Variants in AMPD2 observed in about 807,000 individuals in gnomAD.
The protein encoded by AMPD2 is AMP deaminase 2.
Under a neutral mutation model 91.3 loss-of-function variants are expected in AMPD2, and 52 were observed. That is an observed-to-expected ratio of 0.57 (90% confidence interval 0.46 to 0.72). AMPD2 has a LOEUF of 0.72. Among genes scored for constraint, AMPD2 ranks in the 30% least tolerant of loss-of-function variants. AMPD2 has a pLI of 0.00. For missense variants in AMPD2, 822 were observed against 1,122.3 expected (o/e 0.73, Z 3.82); for synonymous variants, 455 against 456.4 (o/e 1.00, Z 0.04).
rs770051774 is a variant in AMPD2, at chr1:109,625,354, C to T, written c.143C>T (p.Pro48Leu). The T allele has an allele frequency of 8.1e-6, 13 of 1,613,514 alleles. No homozygotes were observed. Among genetic ancestry groups the T allele is most frequent in the Middle Eastern group, 1.6e-4 (1 of 6,080 alleles). Residue 48 changes from proline (P) to leucine (L), a missense_variant, in exon 3 of 19, where the codon CCG (proline) becomes CTG (leucine). Pro to Leu is a moderately conservative substitution (Grantham distance 98). Transcript: ENST00000528667. This position sits in a 1 kb window ranked among gnomAD's most constrained non-coding sequence, Gnocchi z 4.0. ...CCGCTGCAGTCTGCCCGATCCCTGCCGGGCCCCGCCCCCTGCCTCAAGCAC... is the reference window on the plus strand; with the variant it reads ...CCGCTGCAGTCTGCCCGATCCCTGCTGGGCCCCGCCCCCTGCCTCAAGCAC... ...APPLQSARSLPGPAPCLKHFP... is the reference protein window; with the variant it reads ...APPLQSARSLLGPAPCLKHFP...
At position 109,620,110 on chromosome 1, in the gene AMPD2, T is replaced by G. The variant is rs1650119347; in HGVS notation, c.-431T>G. The G allele has an allele frequency of 9.3e-7, 1 of 1,071,940 alleles. No individual in the cohort carries two copies. The highest frequency in any genetic ancestry group is 1.4e-6 in the Non-Finnish European group (1 of 718,354). 66.4% of individuals were successfully genotyped at this position (1,071,940 alleles called of 1,614,324 possible). A position where few individuals can be genotyped will look rare whatever the true frequency, so the allele number is the denominator to read the frequency against. On this transcript the variant is annotated 5_prime_UTR_variant, in exon 1 of 19. Transcript: ENST00000528667. The stretch of plus-strand genomic sequence containing the variant: ...TCCACCTCCGGCCAGCTGGCAATTT[T>G]GAAAGACTGCCTTACTTTCCCCATC...
intron 15 of AMPD2, 73 bp from the exon 16 acceptor site, chr1:109,629,723 G>GC (rs1651034677): frequency 1.5e-6 from 2 of 1,309,538 alleles, no homozygotes; most frequent in East Asian, 2.7e-5. Context: ...TGCGTGCTGG[G>GC]TGGGGGTCAG....
Position 109,630,467 on chromosome 1 carries a change from T to TGGGTGGG in AMPD2, c.2157+65_2157+71dup, listed in dbSNP as rs1557938528. 3.0e-5 allele frequency: 4 copies of TGGGTGGG among 131,936 alleles called. No homozygotes were observed. In the Admixed American group the frequency reaches 3.6e-4, roughly 12 times the overall value. 8.2% of individuals were successfully genotyped at this position (131,936 alleles called of 1,614,324 possible). On this transcript the variant is annotated intron_variant, in intron 17 of 18. Coordinates refer to ENST00000528667, the MANE Select transcript of AMPD2 (RefSeq NM_001368809.2). ...CCCAGGACGCTGGGGTCTCCCGGGT[T>TGGGTGGG]GGGTGGGGGGCGGTGGGGGGGGCGG...
At chr1:109,626,536 C>T (rs1419610211) in intron 6 of AMPD2, 109 bp downstream of exon 6, 2 of 1,325,714 alleles carry the variant, frequency 1.5e-6, no homozygotes, top group African/African-American at 1.5e-5. Context: ...CTCTTTCCAG[C>T]AGCTGGAGGG....
In AMPD2 at chr1:109,628,898, CT is replaced by C; in HGVS notation, c.1571+94del. The C allele has an allele frequency of 6.8e-7, 1 of 1,480,950 alleles. No homozygotes were observed. The highest frequency in any genetic ancestry group is 2.1e-5 in the Admixed American group (1 of 46,690). 91.7% of individuals were successfully genotyped at this position (1,480,950 alleles called of 1,614,324 possible). On this transcript the variant is annotated intron_variant, in intron 13 of 18. Coordinates refer to ENST00000528667, the MANE Select transcript of AMPD2 (RefSeq NM_001368809.2). This position sits in a 1 kb window ranked among gnomAD's most constrained non-coding sequence, Gnocchi z 7.1. ...GCCCTCCTAGGATGGCTGAGCCTCC[CT>C]TGTCCCTGCCAACCCCTCTGAGTGC...
intron 2 of AMPD2, 121 bp downstream of exon 2, chr1:109,621,387 C>A: frequency 8.8e-7 from 1 of 1,133,614 alleles, no homozygotes; most frequent in Non-Finnish European, 1.3e-6. Flanking sequence ...TGGTGGTGCC[C>A]CTCAACCTCA....
At position 109,630,472 on chromosome 1, in the gene AMPD2, G is replaced by C. The variant is rs181839364; in HGVS notation, c.2157+66G>C. On this transcript the variant is annotated intron_variant, in intron 17 of 18. Transcript: ENST00000528667. ...GACGCTGGGGTCTCCCGGGTTGGGT[G>C]GGGGGCGGTGGGGGGGGCGGTCTCT... 2.9e-3 allele frequency: 3,827 copies of C among 1,302,908 alleles called. 100 individuals carry two copies. In the African/African-American group the frequency reaches 0.047, roughly 16 times the overall value. The allele number at this position is 1,302,908 out of a possible 1,614,324, so 80.7% of individuals were successfully genotyped here.
At position 109,625,586 on chromosome 1, in the gene AMPD2, C is replaced by A; in HGVS notation, c.223-76C>A. ...GGTACCCCTGGTCCTGCTGCCCTCA[C>A]CCCATCCCCAGACTCTGTAGGAGAG... is the stretch of plus-strand genomic sequence containing the variant. On this transcript the variant is annotated intron_variant, in intron 3 of 18. Transcript: ENST00000528667. The surrounding 1 kb of genome is among the most constrained non-coding windows in gnomAD (Gnocchi z 4.0). The A allele has an allele frequency of 1.2e-6, 2 of 1,600,548 alleles. No individual in the cohort carries two copies. The highest frequency in any genetic ancestry group is 1.7e-6 in the Non-Finnish European group (2 of 1,170,094).
intron 2 of AMPD2, 163 bp downstream of exon 2, chr1:109,621,429 T>TC (rs747350449): frequency 2.1e-5 from 3 of 139,642 alleles, no homozygotes; most frequent in Non-Finnish European, 4.3e-5. Context: ...GAAGGTGGGG[T>TC]GAGGGGTGGT....
rs765137918 is a variant in AMPD2, at chr1:109,626,764, G to A, written c.570G>A (p.Val190=). ...FTDLLDAAKS[V]VRALFIREKY... is the part of the protein sequence containing the mutation. ...ACCTGCTGGATGCAGCCAAGAGTGTGGTGCGGGCGCTCTTCATCCGGGAGA... is the reference window on the plus strand; with the variant it reads ...ACCTGCTGGATGCAGCCAAGAGTGTAGTGCGGGCGCTCTTCATCCGGGAGA... Residue 190 remains valine, a synonymous_variant, in exon 7 of 19, where the codon GTG becomes GTA. Coordinates refer to ENST00000528667, the MANE Select transcript of AMPD2 (RefSeq NM_001368809.2). 2.5e-6 allele frequency: 4 copies of A among 1,613,914 alleles called. No homozygotes were observed. Among genetic ancestry groups the A allele is most frequent in the Non-Finnish European group, 8.5e-7 (1 of 1,179,870 alleles).
intron 2 of AMPD2, 23 bp downstream of exon 2, chr1:109,621,289 C>A: frequency 6.2e-7 from 1 of 1,610,230 alleles, no homozygotes; most frequent in Admixed American, 1.7e-5. Flanking sequence ...TTCCTGGCCT[C>A]AGGATAGATG....
In AMPD2 at chr1:109,629,506, T is replaced by C. The variant is rs771696904; in HGVS notation, c.1862+16T>C. The C allele has an allele frequency of 2.5e-6, 4 of 1,609,712 alleles. No homozygotes were observed. The African/African-American group carries it at 4.0e-5, about 16-fold the overall frequency. On this transcript the variant is annotated intron_variant, in intron 15 of 18. Transcript: ENST00000528667. The stretch of plus-strand genomic sequence containing the variant: ...ACCTGCGCAGGTGCCTGCACCACCC[T>C]GTGTCTGCTTGCTATGCCATCTCTC...
At chr1:109,626,059 A>C in intron 4 of AMPD2, 101 bp from the exon 5 acceptor site, 1 of 1,321,998 alleles carries the variant, frequency 7.6e-7, no homozygotes, top group Non-Finnish European at 1.1e-6. Flanking sequence ...TTTGAGGATC[A>C]CATGTGACAA....
rs1483458978 is a variant in AMPD2, at chr1:109,624,128, GGT to G, written c.92-1174_92-1173del. On this transcript the variant is annotated intron_variant, in intron 2 of 18. Coordinates refer to ENST00000528667, the MANE Select transcript of AMPD2 (RefSeq NM_001368809.2). This position sits in a 1 kb window ranked among gnomAD's most constrained non-coding sequence, Gnocchi z 5.2. ...AGGGGCCGGGGTGCGCAGGGGACGGGGTCCTGGATCTGGGGCAGGCCCCTCCC... is the reference window on the plus strand; with the variant it reads ...AGGGGCCGGGGTGCGCAGGGGACGGGCCTGGATCTGGGGCAGGCCCCTCCC... 1 of 967,526 alleles carries G rather than the reference GGT, an allele frequency of 1.0e-6. No individual in the cohort carries two copies. The highest frequency in any genetic ancestry group is 1.8e-5 in the African/African-American group (1 of 56,860). 59.9% of individuals were successfully genotyped at this position (967,526 alleles called of 1,614,324 possible).
intron 17 of AMPD2, 107 bp from the exon 18 acceptor site, chr1:109,630,576 G>A: frequency 1.0e-6 from 1 of 961,798 alleles, no homozygotes; most frequent in Non-Finnish European, 1.5e-6. Flanking sequence ...TTGGGGGGTT[G>A]GGGGGATGGG....
intron 6 of AMPD2, 95 bp downstream of exon 6, chr1:109,626,522 G>A (rs1353979839): frequency 1.4e-5 from 19 of 1,363,616 alleles, no homozygotes; most frequent in Admixed American, 1.1e-4. Flanking sequence ...TGGAAAGGGC[G>A]TTTCTCTTTC....
Position 109,627,501 on chromosome 1 carries a change from G to A in AMPD2, c.933G>A (p.Leu311=). ...CTGACGTCAATGTGCTGATGGCCCT[G>A]ATTATCAATGGCCCCATGTGAGTCC... is the stretch of plus-strand genomic sequence containing the variant. ...FVADVNVLMA[L]IINGPIKSFC... is the part of the protein sequence containing the mutation. Residue 311 remains leucine, a synonymous_variant, in exon 9 of 19, where the codon CTG becomes CTA. Transcript: ENST00000528667. 1.9e-6 allele frequency: 3 copies of A among 1,614,010 alleles called. No individual in the cohort carries two copies. Among genetic ancestry groups the A allele is most frequent in the Non-Finnish European group, 2.5e-6 (3 of 1,179,956 alleles).
rs1342304442 is a variant in AMPD2 at position 109,631,316 on chromosome 1, C to T, written c.*164C>T. On this transcript the variant is annotated 3_prime_UTR_variant, in exon 19 of 19. Transcript: ENST00000528667. ...CCTGGGCCACCCAGTGAAAGCAAAG[C>T]CTGGGAATCTGCTCATTGTTGTTTG... 9.5e-6 allele frequency: 7 copies of T among 733,334 alleles called. No homozygotes were observed. Among genetic ancestry groups the T allele is most frequent in the Non-Finnish European group, 1.6e-5 (7 of 437,644 alleles). The allele number at this position is 733,334 out of a possible 1,614,324, so 45.4% of individuals were successfully genotyped here. A position where few individuals can be genotyped will look rare whatever the true frequency, so the allele number is the denominator to read the frequency against.
At position 109,625,839 on chromosome 1, in the gene AMPD2, A is replaced by G. The variant is rs1650628368; in HGVS notation, c.353+47A>G. ...TTAGTCTCCCTCCATACCCTTCCAG[A>G]CCCTTTCAGAGCCCCTTTTCTGCCT... On this transcript the variant is annotated intron_variant, in intron 4 of 18. Transcript: ENST00000528667. The surrounding 1 kb of genome is among the most constrained non-coding windows in gnomAD (Gnocchi z 4.0). The G allele has an allele frequency of 6.2e-7, 1 of 1,608,098 alleles. No homozygotes were observed. The highest frequency in any genetic ancestry group is 1.3e-5 in the African/African-American group (1 of 74,698).
Sources: gnomAD v4.1 joint callset for allele counts on GRCh38, gnomAD v4.1.1 for gene constraint, Gnocchi (gnomAD v3.1) non-coding constraint, MANE v1.5 for transcripts, NCBI Gene and HGNC (gene_info 2026-07-23, HGNC 2026-07-21) for gene names.